The following FAM184A variants were observed in gnomAD, a reference collection of about 807,000 sequenced individuals.
The protein encoded by FAM184A is protein FAM184A.
FAM184A carries 99 observed loss-of-function variants against 143.8 expected under a neutral mutation model. That is an observed-to-expected ratio of 0.69 (90% CI 0.58 to 0.81). The LOEUF is 0.81. Among genes scored for constraint, FAM184A ranks in the 40% least tolerant of loss-of-function variants. The pLI is 0.00. For synonymous variants in FAM184A, 427 were observed against 446.4 expected, an observed-to-expected ratio of 0.96 and a Z score of 0.55; for missense variants, 1,217 against 1,310.5, an observed-to-expected ratio of 0.93 and a Z score of 1.10.
intron 1 of FAM184A, among the ~76,000 whole-genome samples, chr6:119,138,394 A>G (rs576184973): frequency 3.3e-5 from 5 of 152,280 alleles, no homozygotes; most frequent in South Asian, 2.1e-4. Flanking sequence ...AATGTGTCTC[A>G]CTGGGCTAAA....
intron 1 of FAM184A, among the ~76,000 whole-genome samples, chr6:119,060,650 G>A (rs2114766637): frequency 6.6e-6 from 1 of 152,286 alleles, no homozygotes; most frequent in East Asian, 1.9e-4. Flanking sequence ...CCCAGTGTTG[G>A]AGGTGGGGCC....
At chr6:119,129,501 A>G (rs1469947931) in intron 1 of FAM184A, among the ~76,000 whole-genome samples, 1 of 152,152 alleles carries the variant, frequency 6.6e-6, no homozygotes, top group African/African-American at 2.4e-5. Flanking sequence ...CATGTGTTTC[A>G]ATCTGGTTTC....
At position 119,078,606 on chromosome 6, in the gene FAM184A, G is replaced by C. The variant is rs1787968674; in HGVS notation, c.-307C>G. The C allele has an allele frequency of 4.6e-6, 1 of 218,690 alleles. No homozygotes were observed. The highest frequency in any genetic ancestry group is 2.3e-5 in the African/African-American group (1 of 43,566). The allele number at this position is 218,690 out of a possible 1,614,324, so 13.5% of individuals were successfully genotyped here. A position where few individuals can be genotyped will look rare whatever the true frequency, so the allele number is the denominator to read the frequency against. ...TCGGCCCGCGCCTGGCGGAGGCGTC[G>C]AGGACAGCGCAGCTCCGCGGGTCCC... On this transcript the variant is annotated 5_prime_UTR_variant, in exon 1 of 18. Transcript: ENST00000338891. This position sits in a 1 kb window ranked among gnomAD's most constrained non-coding sequence, Gnocchi z 5.5.
At chr6:119,003,471 A>T in intron 8 of FAM184A, 30 bp downstream of exon 8, 1 of 1,598,156 alleles carries the variant, frequency 6.3e-7, no homozygotes, top group South Asian at 1.1e-5. Flanking sequence ...GCATGTCTTT[A>T]TTGATAAGAT....
intron 17 of FAM184A, 91 bp from the exon 18 acceptor site, chr6:118,960,275 C>T: frequency 1.0e-6 from 1 of 989,010 alleles, no homozygotes; most frequent in South Asian, 1.5e-5. Flanking sequence ...CATAGATTAC[C>T]ACAACGGGTT....
Position 119,078,061 on chromosome 6 carries a change from C to T in FAM184A, c.159+80G>A. On this transcript the variant is annotated intron_variant, in intron 1 of 17. Transcript: ENST00000338891. This position sits in a 1 kb window ranked among gnomAD's most constrained non-coding sequence, Gnocchi z 5.5. ...AGTTCCCCTCGCTGCGGGCGCAGGG[C>T]GCACTGCCTCCCGGGGAGACAGGTG... 1 of 1,474,020 alleles carries T rather than the reference C, an allele frequency of 6.8e-7. No homozygotes were observed. Among genetic ancestry groups the T allele is most frequent in the African/African-American group, 1.4e-5 (1 of 70,902 alleles). 91.3% of individuals were successfully genotyped at this position (1,474,020 alleles called of 1,614,324 possible). A position where few individuals can be genotyped will look rare whatever the true frequency, so the allele number is the denominator to read the frequency against.
At chr6:118,983,274 G>A (rs1009570414) in intron 9 of FAM184A, among the ~76,000 whole-genome samples, 8 of 152,104 alleles carry the variant, frequency 5.3e-5, no homozygotes, top group Admixed American at 2.6e-4. Context: ...AAAAGACAAT[G>A]AGCAAAGTAA....
intron 6 of FAM184A, among the ~76,000 whole-genome samples, chr6:119,007,269 C>T (rs571371679): frequency 5.5e-4 from 84 of 152,074 alleles, no homozygotes; most frequent in Non-Finnish European, 7.8e-4. Context: ...AAGTAAAAAC[C>T]GCATTCTTAT....
intron 9 of FAM184A, among the ~76,000 whole-genome samples, chr6:118,994,171 T>C (rs1784468303): frequency 6.6e-6 from 1 of 152,178 alleles, no homozygotes; most frequent in African/African-American, 2.4e-5. Flanking sequence ...GCAGTTCAGA[T>C]TGTAAGCTCC....
At chr6:119,098,880 C>G (rs535445877) in intron 1 of FAM184A, among the ~76,000 whole-genome samples, 1 of 152,120 alleles carries the variant, frequency 6.6e-6, no homozygotes, top group African/African-American at 2.4e-5. Flanking sequence ...GAGGCCGATG[C>G]GGGTGGATCA....
chr6:119,133,552 T>C (rs1789588557), intron 1 of FAM184A, among the ~76,000 whole-genome samples: 1 of 152,134 alleles, frequency 6.6e-6, no homozygotes. Flanking sequence ...GTAGTTGGCC[T>C]GACTTGCGGT....
chr6:119,112,076 T>C (rs6929791), intron 1 of FAM184A, among the ~76,000 whole-genome samples: 10,413 of 152,186 alleles, frequency 0.068, 540 homozygotes, highest in East Asian at 0.26. Context: ...GTCCATGAAA[T>C]GTGTTATTAT....
At chr6:119,031,761 C>T (rs1035125213) in intron 1 of FAM184A, among the ~76,000 whole-genome samples, 1 of 152,138 alleles carries the variant, frequency 6.6e-6, no homozygotes, top group Non-Finnish European at 1.5e-5. Flanking sequence ...ATTACACCAA[C>T]AGGCTTAACA....
chr6:119,094,203 C>T lies in FAM184A; in HGVS notation c.-202+54875G>A, dbSNP rs148986131. On this transcript the variant is annotated intron_variant, in intron 1 of 16. Coordinates refer to the FAM184A transcript ENST00000352896. ...CCTTCTGCCACAGCCTCTCGAGTAGCTGGGATTACAGGAGCAAGCCACTGT... is the reference window on the plus strand; with the variant it reads ...CCTTCTGCCACAGCCTCTCGAGTAGTTGGGATTACAGGAGCAAGCCACTGT... Among the ~76,000 whole-genome samples, 706 of 152,178 alleles carry T rather than the reference C, an allele frequency of 4.6e-3. 8 individuals are homozygous for T. The highest frequency in any genetic ancestry group is 0.033 in the East Asian group (169 of 5,182).
intron 9 of FAM184A, 64 bp downstream of exon 9, chr6:119,002,835 A>G: frequency 1.4e-6 from 2 of 1,401,324 alleles, no homozygotes; most frequent in South Asian, 1.6e-5. Context: ...GAGTTTTACA[A>G]TATTTGCCTA....
intron 1 of FAM184A, among the ~76,000 whole-genome samples, chr6:119,143,577 G>A (rs1182355329): frequency 1.3e-5 from 2 of 152,200 alleles, no homozygotes; most frequent in African/African-American, 4.8e-5. Flanking sequence ...CACAGCAGAT[G>A]AATGGATAAA....
chr6:119,023,842 AGTC>A, intron 2 of FAM184A, 114 bp downstream of exon 2: 5 of 589,676 alleles, frequency 8.5e-6, no homozygotes, highest in African/African-American at 2.0e-5. Flanking sequence ...AAAAAAAAAA[AGTC>A]TAAGTGGTGT....
At chr6:118,981,152 C>A (rs1288318492) in intron 9 of FAM184A, among the ~76,000 whole-genome samples, 3 of 151,964 alleles carry the variant, frequency 2.0e-5, no homozygotes, top group African/African-American at 7.2e-5. Context: ...TTCTAGATGT[C>A]TTAATATACT....
At chr6:118,987,044 T>C (rs910148695) in intron 9 of FAM184A, among the ~76,000 whole-genome samples, 1 of 152,234 alleles carries the variant, frequency 6.6e-6, no homozygotes, top group Non-Finnish European at 1.5e-5. Context: ...TTTTATTTTC[T>C]TGCATAGTAG....
Sources: gnomAD v4.1 joint callset for allele counts (sites outside exome capture counted in the v4.1 genomes callset) on GRCh38, gnomAD v4.1.1 for gene constraint, Gnocchi (gnomAD v3.1) non-coding constraint, MANE v1.5 for transcripts, NCBI Gene and HGNC (gene_info 2026-07-23, HGNC 2026-07-21) for gene names.